Variants in IGSF21 observed in about 807,000 individuals in gnomAD.
IGSF21 encodes the protein immunoglobin superfamily member 21.
IGSF21 carries 28 observed loss-of-function variants against 46.8 expected under a neutral mutation model. The ratio of observed to expected loss-of-function variants is 0.60; its 90% CI spans 0.44 to 0.82. The LOEUF (loss-of-function observed/expected upper bound fraction) is 0.82, where lower values mean the gene tolerates loss of function less well. Ranked by LOEUF, IGSF21 falls within the 40% of genes least tolerant of loss-of-function variation. The pLI, the probability that IGSF21 is intolerant of heterozygous loss-of-function variation, is 0.00. For synonymous variants in IGSF21, 284 were observed against 273.6 expected, an observed-to-expected ratio of 1.04 and a Z score of -0.38; for missense variants, 624 against 665.5, an observed-to-expected ratio of 0.94 and a Z score of 0.69.
intron 3 of IGSF21, among the ~76,000 whole-genome samples, chr1:18,331,275 C>A (rs1208440003): frequency 6.6e-6 from 1 of 152,018 alleles, no homozygotes; most frequent in Non-Finnish European, 1.5e-5. Context: ...CCTTTTCCCC[C>A]AAATTCCCAA....
intron 8 of IGSF21, 97 bp downstream of exon 8, chr1:18,377,089 T>C: frequency 7.4e-7 from 1 of 1,349,824 alleles, no homozygotes; most frequent in Non-Finnish European, 1.0e-6. Context: ...GGGCCCAAAA[T>C]TTTGGGCCTA....
Position 18,365,562 on chromosome 1 carries a change from A to T in IGSF21, c.880A>T (p.Ser294Cys). The stretch of plus-strand genomic sequence containing the variant: ...CTTCCTGCGCCACAGCCGCACCCCG[A>T]GCAGTGACGGCACTGTGGAAGTACG... ...TYFLRHSRTP[S>C]SDGTVEVRAL... The change falls in exon 6 of 10, where the codon AGC (serine) becomes TGC (cysteine). Residue 294 changes from serine to cysteine, a missense_variant. By Grantham distance (112) the Ser-to-Cys change is moderately radical (BLOSUM62 -1). Coordinates refer to ENST00000251296, the MANE Select transcript of IGSF21 (RefSeq NM_032880.5). This position sits in a 1 kb window ranked among gnomAD's most constrained non-coding sequence, Gnocchi z 4.8. 6.2e-7 allele frequency: 1 copy of T among 1,613,972 alleles called. No individual in the cohort carries two copies. Among genetic ancestry groups the T allele is most frequent in the Non-Finnish European group, 8.5e-7 (1 of 1,180,022 alleles).
At chr1:18,181,951 AG>A (rs1447362278) in intron 1 of IGSF21, among the ~76,000 whole-genome samples, 1 of 152,190 alleles carries the variant, frequency 6.6e-6, no homozygotes, top group Non-Finnish European at 1.5e-5. Context: ...AGAGAAATTA[AG>A]CAACTTGCCC....
intron 1 of IGSF21, among the ~76,000 whole-genome samples, chr1:18,127,906 C>T (rs1430923461): frequency 6.6e-6 from 1 of 152,000 alleles, no homozygotes; most frequent in Non-Finnish European, 1.5e-5. Context: ...AAGACACTGT[C>T]TTCTAAAAAC....
chr1:18,274,193 C>A (rs1478137784), intron 2 of IGSF21, among the ~76,000 whole-genome samples: 2 of 152,222 alleles, frequency 1.3e-5, no homozygotes, highest in African/African-American at 4.8e-5. Context: ...CAATTTATAG[C>A]CAGGTACTAT....
intron 1 of IGSF21, among the ~76,000 whole-genome samples, chr1:18,211,170 C>T (rs191712201): frequency 4.0e-4 from 61 of 152,322 alleles, no homozygotes; most frequent in South Asian, 6.2e-4. Context: ...CTGTGCCTGG[C>T]CTTCCCTGGA....
intron 1 of IGSF21, among the ~76,000 whole-genome samples, chr1:18,164,903 G>A (rs1389158285): frequency 2.8e-5 from 3 of 106,628 alleles, no homozygotes; most frequent in Non-Finnish European, 5.1e-5. Flanking sequence ...CCCCACAACA[G>A]GCCCTAGTGT....
intron 2 of IGSF21, among the ~76,000 whole-genome samples, chr1:18,282,394 T>C (rs925059924): frequency 2.6e-5 from 4 of 152,100 alleles, no homozygotes; most frequent in African/African-American, 9.7e-5. Context: ...TCTGAGGCCC[T>C]TTCTATTTCC....
chr1:18,244,020 T>C (rs1220738274), intron 2 of IGSF21, among the ~76,000 whole-genome samples: 2 of 152,214 alleles, frequency 1.3e-5, no homozygotes, highest in Non-Finnish European at 2.9e-5. Flanking sequence ...CAAGCATGCC[T>C]GGAACAGTCC....
intron 6 of IGSF21, among the ~76,000 whole-genome samples, chr1:18,368,786 T>C (rs1569891841): frequency 6.6e-6 from 1 of 151,990 alleles, no homozygotes; most frequent in South Asian, 2.1e-4. Context: ...TCCAGCGGGG[T>C]GGCACCCTTG....
intron 1 of IGSF21, among the ~76,000 whole-genome samples, chr1:18,212,141 C>A (rs1429738378): frequency 2.0e-5 from 3 of 152,264 alleles, no homozygotes; most frequent in African/African-American, 4.8e-5. Context: ...TGCGGCAGCA[C>A]GGCCCCCGGG....
At chr1:18,125,329 G>A (rs566978402) in intron 1 of IGSF21, among the ~76,000 whole-genome samples, 7 of 152,270 alleles carry the variant, frequency 4.6e-5, no homozygotes, top group Non-Finnish European at 1.0e-4. Flanking sequence ...ACACCATGGG[G>A]CACAAAGACC....
At chr1:18,126,200 A>G (rs550424441) in intron 1 of IGSF21, among the ~76,000 whole-genome samples, 7 of 126,372 alleles carry the variant, frequency 5.5e-5, no homozygotes, top group Non-Finnish European at 1.2e-4. Flanking sequence ...TCGTGCCCCA[A>G]TCAAGCTGAG....
chr1:18,285,693 GAC>G (rs2085206358), intron 2 of IGSF21, among the ~76,000 whole-genome samples: 1 of 152,186 alleles, frequency 6.6e-6, no homozygotes, highest in South Asian at 2.1e-4. Context: ...GAAGAAAAGA[GAC>G]ACCTGTTCTT....
rs1173997595 is a variant in IGSF21 at position 18,337,090 on chromosome 1, C to T, written c.424+2080C>T. ...GATTTGAGTTGGGACACAGCCAAAC[C>T]ATATCATGTATCATCAGAGGGTTGA... is the stretch of plus-strand genomic sequence containing the variant. On this transcript the variant is annotated intron_variant, in intron 4 of 9. Transcript: ENST00000251296. The surrounding 1 kb of genome is among the most constrained non-coding windows in gnomAD (Gnocchi z 5.7). Among the ~76,000 whole-genome samples, 4 of 152,190 alleles carry T rather than the reference C, an allele frequency of 2.6e-5. No individual in the cohort carries two copies. Among genetic ancestry groups the T allele is most frequent in the East Asian group, 1.9e-4 (1 of 5,196 alleles).
rs140472429 is a variant in IGSF21 at position 18,204,199 on chromosome 1, G to A, written c.71-23699G>A. Among the ~76,000 whole-genome samples the A allele has an allele frequency of 4.2e-4, 64 of 152,232 alleles. No homozygotes were observed. In the East Asian group the frequency reaches 0.012, roughly 29 times the overall value. On this transcript the variant is annotated intron_variant, in intron 1 of 9. Transcript: ENST00000251296. ...AAGCTCCTCTGACCCCATAACATAGGTACTGTTCGGTCTCCATTTTACAGA... is the reference window on the plus strand; with the variant it reads ...AAGCTCCTCTGACCCCATAACATAGATACTGTTCGGTCTCCATTTTACAGA...
rs530021771 is a variant in IGSF21 at position 18,156,089 on chromosome 1, G to C, written c.70+47891G>C. Among the ~76,000 whole-genome samples the C allele has an allele frequency of 2.0e-5, 3 of 152,352 alleles. No homozygotes were observed. In the South Asian group the frequency reaches 6.2e-4, roughly 32 times the overall value. On this transcript the variant is annotated intron_variant, in intron 1 of 9. Coordinates refer to ENST00000251296, the MANE Select transcript of IGSF21 (RefSeq NM_032880.5). ...GCCAGGGCACCTCTCACACGCGACA[G>C]GCTGGCTTCTATCCTGCGGGGAGGG...
chr1:18,166,454 G>T (rs528788199), intron 1 of IGSF21, among the ~76,000 whole-genome samples: 158 of 152,214 alleles, frequency 1.0e-3, no homozygotes, highest in Non-Finnish European at 1.6e-3. Flanking sequence ...GTGACCTTGG[G>T]CAAGTCACTC....
At position 18,121,267 on chromosome 1, in the gene IGSF21, C is replaced by T. The variant is rs115445260; in HGVS notation, c.70+13069C>T. Among the ~76,000 whole-genome samples the T allele has an allele frequency of 2.1e-3, 326 of 152,288 alleles. 1 individual carries two copies. The highest frequency in any genetic ancestry group is 7.5e-3 in the African/African-American group (313 of 41,562). ...ATCTGAAAGCTGGAAGTGCCATTGCCACTTTTAGAGGGACCTAAAGGAGTA... is the reference window on the plus strand; with the variant it reads ...ATCTGAAAGCTGGAAGTGCCATTGCTACTTTTAGAGGGACCTAAAGGAGTA... On this transcript the variant is annotated intron_variant, in intron 1 of 9. Transcript: ENST00000251296.
Sources: gnomAD v4.1 joint callset for allele counts (sites outside exome capture counted in the v4.1 genomes callset) on GRCh38, gnomAD v4.1.1 for gene constraint, Gnocchi (gnomAD v3.1) non-coding constraint, MANE v1.5 for transcripts, NCBI Gene and HGNC (gene_info 2026-07-23, HGNC 2026-07-21) for gene names.